NUP133: variants seen among roughly 807,000 people sequenced by gnomAD.
NUP133 encodes nuclear pore complex protein Nup133.
Under a neutral mutation model 146.2 loss-of-function variants are expected in NUP133, and 66 were observed. The ratio of observed to expected loss-of-function variants is 0.45; its 90% CI spans 0.37 to 0.55. NUP133 has a LOEUF of 0.55. Ranked by LOEUF, NUP133 falls within the 20% of genes least tolerant of loss-of-function variation. NUP133 has a pLI of 0.00. For missense variants in NUP133, 1,277 were observed against 1,374.8 expected, an observed-to-expected ratio of 0.93 and a Z score of 1.12; for synonymous variants, 521 against 498.8, an observed-to-expected ratio of 1.04 and a Z score of -0.59.
At chr1:229,442,714 CTTT>C (rs67964058) in intron 25 of NUP133, among the ~76,000 whole-genome samples, 2 of 126,474 alleles carry the variant, frequency 1.6e-5, no homozygotes, top group Admixed American at 8.1e-5. Context: ...TTTTTTGGTT[CTTT>C]TTTTTTTTTT....
At chr1:229,475,603 G>T in intron 14 of NUP133, 35 bp downstream of exon 14, 1 of 1,508,224 alleles carries the variant, frequency 6.6e-7, no homozygotes, top group Non-Finnish European at 9.2e-7. Flanking sequence ...GACTGCCAAA[G>T]GCAGAGCCCT....
At chr1:229,459,277 C>T (rs1223719643) in intron 20 of NUP133, among the ~76,000 whole-genome samples, 3 of 152,068 alleles carry the variant, frequency 2.0e-5, no homozygotes, top group Non-Finnish European at 2.9e-5. Flanking sequence ...AATCCCAGAA[C>T]GTTGGGAGGC....
intron 9 of NUP133, 23 bp from the exon 10 acceptor site, chr1:229,487,636 C>A: frequency 6.5e-7 from 1 of 1,550,364 alleles, no homozygotes. Flanking sequence ...TTTAAGATTA[C>A]ATTTAACAAG....
At chr1:229,499,282 T>C (rs1661738518) in intron 5 of NUP133, 2 of 468,114 alleles carry the variant, frequency 4.3e-6, no homozygotes, top group Non-Finnish European at 8.9e-6. Context: ...GCCAATCTTA[T>C]AAAATGTTTC....
At chr1:229,463,511 G>T in intron 19 of NUP133, 32 bp downstream of exon 19, 2 of 1,583,618 alleles carry the variant, frequency 1.3e-6, no homozygotes, top group South Asian at 1.2e-5. Flanking sequence ...GCAACTAAAG[G>T]ACTCAGTGGC....
Position 229,441,604 on chromosome 1 carries a change from T to C in NUP133, c.*300A>G, listed in dbSNP as rs1489651611. ...CTGAGGCCTAGAAGTGATTTGTACA[T>C]GTGAGCAGCTAGAACCAGGACAAGA... On this transcript the variant is annotated 3_prime_UTR_variant, in exon 26 of 26. Coordinates refer to ENST00000261396, the MANE Select transcript of NUP133 (RefSeq NM_018230.3). 1 of 394,584 alleles carries C rather than the reference T, an allele frequency of 2.5e-6. No individual in the cohort carries two copies. Among genetic ancestry groups the C allele is most frequent in the Non-Finnish European group, 4.9e-6 (1 of 202,208 alleles). The allele number at this position is 394,584 out of a possible 1,614,324, so 24.4% of individuals were successfully genotyped here. A position where few individuals can be genotyped will look rare whatever the true frequency, so the allele number is the denominator to read the frequency against.
At chr1:229,449,410 C>G (rs1227748418) in intron 23 of NUP133, among the ~76,000 whole-genome samples, 1 of 150,888 alleles carries the variant, frequency 6.6e-6, no homozygotes, top group Non-Finnish European at 1.5e-5. Flanking sequence ...CTCTGTCGCC[C>G]AAGCTGGAGT....
At chr1:229,491,829 G>A (rs981428559) in intron 8 of NUP133, among the ~76,000 whole-genome samples, 6 of 151,986 alleles carry the variant, frequency 3.9e-5, no homozygotes, top group Admixed American at 3.9e-4. Flanking sequence ...TTTAATCCAA[G>A]CACTTTGGGA....
intron 8 of NUP133, among the ~76,000 whole-genome samples, chr1:229,494,846 GA>G (rs1661613123): frequency 6.6e-6 from 1 of 152,208 alleles, no homozygotes; most frequent in African/African-American, 2.4e-5. Flanking sequence ...TCCAATGAGA[GA>G]AAGATCACAG....
intron 9 of NUP133, 64 bp downstream of exon 9, chr1:229,489,891 C>T: frequency 7.1e-7 from 1 of 1,406,386 alleles, no homozygotes; most frequent in Non-Finnish European, 9.5e-7. Flanking sequence ...AAATAAGACC[C>T]TGAAATGGTT....
intron 19 of NUP133, among the ~76,000 whole-genome samples, chr1:229,461,539 G>A (rs1444856861): frequency 6.6e-6 from 1 of 152,080 alleles, no homozygotes; most frequent in Non-Finnish European, 1.5e-5. Context: ...GCCTAACAGA[G>A]AAAAAGGAAA....
chr1:229,458,376 G>T, intron 20 of NUP133, 80 bp from the exon 21 acceptor site: 1 of 1,451,438 alleles, frequency 6.9e-7, no homozygotes, highest in Non-Finnish European at 9.4e-7. Context: ...CCCCAAACTT[G>T]TTTTTCTCCC....
At chr1:229,467,923 CAAA>C (rs1368540952) in intron 15 of NUP133, among the ~76,000 whole-genome samples, 4 of 70,956 alleles carry the variant, frequency 5.6e-5, no homozygotes, top group Admixed American at 1.6e-4. Context: ...GACTCAGTCT[CAAA>C]AAAAAAAAAA....
At chr1:229,494,885 G>A (rs890749896) in intron 8 of NUP133, among the ~76,000 whole-genome samples, 3 of 152,194 alleles carry the variant, frequency 2.0e-5, no homozygotes, top group African/African-American at 7.2e-5. Context: ...AGTGGGCAAT[G>A]ACAGGGTCTC....
chr1:229,475,098 CAATA>C (rs541499624), intron 14 of NUP133, among the ~76,000 whole-genome samples: 7 of 151,404 alleles, frequency 4.6e-5, no homozygotes, highest in East Asian at 1.9e-4. Context: ...TGCCCTGTCT[CAATA>C]AATAAATAAA....
chr1:229,500,933 C>G (rs1166625613), intron 3 of NUP133, 70 bp from the exon 4 acceptor site: 10 of 895,774 alleles, frequency 1.1e-5, no homozygotes, highest in Middle Eastern at 2.2e-4. Context: ...TCTGATTTCC[C>G]TTCTCTGCAT....
rs1444482309 is a variant in NUP133, at chr1:229,449,851, TTA to T, written c.3181-663_3181-662del. ...TCTTAGGATGAATACTATGAAGATT[TTA>T]TATATATATATATATATATATTTTT... On this transcript the variant is annotated intron_variant, in intron 23 of 25. Transcript: ENST00000261396. 7.5e-3 allele frequency among the ~76,000 whole-genome samples: 504 copies of T among 67,642 alleles called. 5 individuals are homozygous for T. The highest frequency in any genetic ancestry group is 0.03 in the Middle Eastern group (2 of 66). 44.4% of individuals were successfully genotyped at this position (67,642 alleles called of 152,430 possible).
chr1:229,502,122 G>T lies in NUP133; in HGVS notation c.302-20C>A. 6.4e-7 allele frequency: 1 copy of T among 1,559,326 alleles called. No homozygotes were observed. Among genetic ancestry groups the T allele is most frequent in the Non-Finnish European group, 8.8e-7 (1 of 1,131,106 alleles). Reference sequence around the variant, plus strand: ...CATCGACTAAAGGAAAAAATGAGGTGGGTGATTAATCTTATAGTATAAATC... The same window carrying T: ...CATCGACTAAAGGAAAAAATGAGGTTGGTGATTAATCTTATAGTATAAATC... On this transcript the variant is annotated intron_variant, in intron 2 of 25. Transcript: ENST00000261396.
At chr1:229,498,334 C>T in intron 5 of NUP133, 28 bp from the exon 6 acceptor site, 1 of 1,518,220 alleles carries the variant, frequency 6.6e-7, no homozygotes, top group Admixed American at 2.4e-5. Flanking sequence ...GAGGTTAGTT[C>T]AGTTTAGCAT....
Sources: allele counts gnomAD v4.1 joint callset (sites outside exome capture counted in the v4.1 genomes callset), GRCh38; gene constraint gnomAD v4.1.1; transcripts MANE v1.5; gene names NCBI Gene and HGNC (gene_info 2026-07-23, HGNC 2026-07-21).